KCNH5: variants seen among roughly 807,000 people sequenced by gnomAD.
KCNH5 encodes the protein potassium voltage-gated channel subfamily H member 5.
A neutral mutation model predicts 96.1 loss-of-function variants in KCNH5; 46 were observed. The ratio of observed to expected loss-of-function variants is 0.48; its 90% confidence interval spans 0.38 to 0.61. The LOEUF is 0.61. Ranked by LOEUF, KCNH5 falls within the 20% of genes least tolerant of loss-of-function variation. The pLI, the probability that KCNH5 is intolerant of heterozygous loss-of-function variation, is 0.00. For synonymous variants in KCNH5, 439 were observed against 449.8 expected (o/e 0.98, Z 0.30); for missense variants, 907 against 1,225.8 (o/e 0.74, Z 3.88).
At chr14:62,969,213 G>A (rs1018397934) in intron 6 of KCNH5, among the ~76,000 whole-genome samples, 19 of 152,030 alleles carry the variant, frequency 1.2e-4, no homozygotes, top group African/African-American at 3.9e-4. Context: ...TGAACTATAC[G>A]AAAATGAAAA....
rs529491017 is a variant in KCNH5 at position 62,914,464 on chromosome 14, A to G, written c.1369+35669T>C. On this transcript the variant is annotated intron_variant, in intron 7 of 10. Coordinates refer to ENST00000322893, the MANE Select transcript of KCNH5 (RefSeq NM_139318.5). The stretch of plus-strand genomic sequence containing the variant: ...ATGATCTTATATAAAACTTCATTAA[A>G]AAGGAGGGTGGAGTATACTGTGGTT... Among the ~76,000 whole-genome samples, 66 of 152,328 alleles carry G rather than the reference A, an allele frequency of 4.3e-4. 1 individual carries two copies. In the South Asian group the frequency reaches 0.013, roughly 31 times the overall value.
chr14:62,761,847 G>A (rs1258289582), intron 10 of KCNH5, among the ~76,000 whole-genome samples: 1 of 152,086 alleles, frequency 6.6e-6, no homozygotes, highest in African/African-American at 2.4e-5. Flanking sequence ...CACTGTGAGG[G>A]GACCTTTCGA....
At chr14:62,884,487 G>A (rs1337317927) in intron 7 of KCNH5, among the ~76,000 whole-genome samples, 1 of 152,184 alleles carries the variant, frequency 6.6e-6, no homozygotes, top group East Asian at 1.9e-4. Flanking sequence ...TTAGCCAGGT[G>A]TGGCAGTATG....
intron 7 of KCNH5, among the ~76,000 whole-genome samples, chr14:62,912,717 T>G (rs1188724855): frequency 6.6e-6 from 1 of 152,216 alleles, no homozygotes; most frequent in South Asian, 2.1e-4. Context: ...TCTAGATTTC[T>G]TTTAATAATT....
chr14:62,762,251 A>C (rs2139957095), intron 10 of KCNH5, among the ~76,000 whole-genome samples: 1 of 152,218 alleles, frequency 6.6e-6, no homozygotes, highest in African/African-American at 2.4e-5. Context: ...GGACAGAGCA[A>C]GTCTGTCTTG....
In KCNH5 at chr14:62,995,165, A is replaced by G. The variant is rs550372943; in HGVS notation, c.433+6166T>C. Among the ~76,000 whole-genome samples the G allele has an allele frequency of 2.0e-5, 3 of 152,170 alleles. No individual in the cohort carries two copies. The South Asian group carries it at 6.2e-4, about 32-fold the overall frequency. On this transcript the variant is annotated intron_variant, in intron 4 of 10. Coordinates refer to ENST00000322893, the MANE Select transcript of KCNH5 (RefSeq NM_139318.5). ...ATCATATGTCTAAGTTTCTTGGTAA[A>G]AATATCGATACAAGTAGGAGATTAA... is the stretch of plus-strand genomic sequence containing the variant.
At chr14:62,833,452 T>C (rs1272435051) in intron 8 of KCNH5, among the ~76,000 whole-genome samples, 2 of 152,112 alleles carry the variant, frequency 1.3e-5, no homozygotes, top group Non-Finnish European at 2.9e-5. Flanking sequence ...TGACCGTATG[T>C]GCATGGGTTT....
At chr14:63,024,123 C>G (rs1333480683) in intron 1 of KCNH5, among the ~76,000 whole-genome samples, 5 of 151,950 alleles carry the variant, frequency 3.3e-5, no homozygotes, top group Non-Finnish European at 7.4e-5. Flanking sequence ...GCAGGAGAAT[C>G]ACTTGAACCC....
chr14:63,000,863 C>A (rs1469726440), intron 4 of KCNH5, among the ~76,000 whole-genome samples: 2 of 152,056 alleles, frequency 1.3e-5, no homozygotes, highest in Non-Finnish European at 2.9e-5. Context: ...TAACTTGAGC[C>A]CAAGTGTTTG....
chr14:62,817,779 A>AATAT (rs1209539063), intron 8 of KCNH5, among the ~76,000 whole-genome samples: 20 of 144,046 alleles, frequency 1.4e-4, no homozygotes, highest in African/African-American at 5.0e-4. Flanking sequence ...ATATTCTAGG[A>AATAT]ATATATATAT....
chr14:62,750,537 A>G (rs1885475342), intron 10 of KCNH5, among the ~76,000 whole-genome samples: 1 of 152,192 alleles, frequency 6.6e-6, no homozygotes, highest in South Asian at 2.1e-4. Context: ...CTGTATCTGC[A>G]AAGGAGTCTC....
intron 10 of KCNH5, among the ~76,000 whole-genome samples, chr14:62,730,972 AGGATATTG>A (rs1338219043): frequency 6.6e-6 from 1 of 152,200 alleles, no homozygotes; most frequent in African/African-American, 2.4e-5. Flanking sequence ...TAGCATTTGT[AGGATATTG>A]AAAATTATAA....
rs578030727 is a variant in KCNH5 at position 62,857,747 on chromosome 14, C to T, written c.1370-7895G>A. Among the ~76,000 whole-genome samples the T allele has an allele frequency of 5.9e-5, 9 of 152,218 alleles. No homozygotes were observed. The East Asian group carries it at 1.4e-3, about 23-fold the overall frequency. ...CCCACCCAGATTATGGGTGGGTCTACCCTTCCCAGTCCACTGACTCAAATG... is the reference window on the plus strand; with the variant it reads ...CCCACCCAGATTATGGGTGGGTCTATCCTTCCCAGTCCACTGACTCAAATG... On this transcript the variant is annotated intron_variant, in intron 7 of 10. Coordinates refer to ENST00000322893, the MANE Select transcript of KCNH5 (RefSeq NM_139318.5).
At chr14:62,757,451 A>G (rs1337928919) in intron 10 of KCNH5, among the ~76,000 whole-genome samples, 3 of 152,190 alleles carry the variant, frequency 2.0e-5, no homozygotes, top group African/African-American at 7.2e-5. Flanking sequence ...TATATACCCA[A>G]AAGAAAAGAA....
At chr14:62,823,612 G>A (rs748996458) in intron 8 of KCNH5, among the ~76,000 whole-genome samples, 4 of 151,996 alleles carry the variant, frequency 2.6e-5, no homozygotes, top group Non-Finnish European at 5.9e-5. Flanking sequence ...TGAAAGGCCA[G>A]CAGAAATTCC....
In KCNH5 at chr14:62,729,547, G is replaced by A. The variant is rs142549578; in HGVS notation, c.2020-21092C>T. ...GAACTGCATGTTGTCTGGAGATCCT[G>A]GACTTTGAATGAGATACTGTGCCTG... On this transcript the variant is annotated intron_variant, in intron 10 of 10. Transcript: ENST00000322893. 3.4e-3 allele frequency among the ~76,000 whole-genome samples: 523 copies of A among 152,202 alleles called. 3 individuals are homozygous for A. The highest frequency in any genetic ancestry group is 0.012 in the African/African-American group (492 of 41,522).
chr14:62,930,937 T>C (rs935106745), intron 7 of KCNH5, among the ~76,000 whole-genome samples: 1 of 152,174 alleles, frequency 6.6e-6, no homozygotes, highest in Non-Finnish European at 1.5e-5. Flanking sequence ...GTGAAAAGTT[T>C]AGACCCTTGA....
At chr14:62,833,306 G>A (rs1367930605) in intron 8 of KCNH5, among the ~76,000 whole-genome samples, 1 of 151,796 alleles carries the variant, frequency 6.6e-6, no homozygotes, top group Non-Finnish European at 1.5e-5. Context: ...AATCCATTTT[G>A]TGTTGATTTT....
chr14:62,826,857 T>C (rs111258633), intron 8 of KCNH5, among the ~76,000 whole-genome samples: 7 of 152,078 alleles, frequency 4.6e-5, no homozygotes, highest in African/African-American at 1.4e-4. Context: ...TTTTTCTGTA[T>C]TTTATAAAAA....
Sources: gnomAD v4.1 joint callset for allele counts (sites outside exome capture counted in the v4.1 genomes callset) on GRCh38, gnomAD v4.1.1 for gene constraint, MANE v1.5 for transcripts, NCBI Gene and HGNC (gene_info 2026-07-23, HGNC 2026-07-21) for gene names.